The following UNC13C variants were observed in gnomAD, a reference collection of about 807,000 sequenced individuals.
UNC13C encodes the protein protein unc-13 homolog C.
UNC13C carries 174 observed loss-of-function variants against 245.4 expected under a neutral mutation model. That is an observed-to-expected ratio of 0.71 (90% CI 0.63 to 0.80). UNC13C has a LOEUF of 0.80. Among genes scored for constraint, UNC13C ranks in the 30% least tolerant of loss-of-function variants. UNC13C has a pLI of 0.00. For missense variants in UNC13C, 2,829 were observed against 2,602.9 expected, an observed-to-expected ratio of 1.09 and a Z score of -1.89; for synonymous variants, 992 against 895.1, an observed-to-expected ratio of 1.11 and a Z score of -1.93.
chr15:54,613,598 ATT>A (rs1204453472), intron 30 of UNC13C, among the ~76,000 whole-genome samples: 2 of 151,982 alleles, frequency 1.3e-5, no homozygotes, highest in Non-Finnish European at 2.9e-5. Flanking sequence ...AAGTTTCTGA[ATT>A]CATGATAATG....
chr15:54,304,905 A>T (rs2037686991), intron 13 of UNC13C, among the ~76,000 whole-genome samples: 1 of 152,034 alleles, frequency 6.6e-6, no homozygotes, highest in Middle Eastern at 3.2e-3. Flanking sequence ...GGTATTCATT[A>T]GTTATTAGAA....
At chr15:54,247,173 C>T (rs1474138139) in intron 7 of UNC13C, among the ~76,000 whole-genome samples, 1 of 152,146 alleles carries the variant, frequency 6.6e-6, no homozygotes, top group Non-Finnish European at 1.5e-5. Context: ...GGCTTTTCAT[C>T]CCTTCAATCT....
At chr15:54,526,917 T>C (rs1002150148) in intron 25 of UNC13C, among the ~76,000 whole-genome samples, 1 of 152,200 alleles carries the variant, frequency 6.6e-6, no homozygotes, top group Non-Finnish European at 1.5e-5. Context: ...CATATTTTTC[T>C]TCTTAGATGT....
chr15:54,049,099 CT>C, intron 2 of UNC13C: 1 of 361,098 alleles, frequency 2.8e-6, no homozygotes, highest in Non-Finnish European at 5.5e-6. Flanking sequence ...TTGGTAAGTC[CT>C]TTTTGATCCA....
At chr15:54,449,336 G>A (rs1891026457) in intron 19 of UNC13C, among the ~76,000 whole-genome samples, 3 of 152,080 alleles carry the variant, frequency 2.0e-5, no homozygotes, top group African/African-American at 7.2e-5. Context: ...TGCTAGGTTG[G>A]GGAAGTTCTC....
chr15:54,114,770 C>A (rs1439310224), intron 2 of UNC13C, among the ~76,000 whole-genome samples: 4 of 152,056 alleles, frequency 2.6e-5, no homozygotes, highest in African/African-American at 7.2e-5. Flanking sequence ...CTATTTATTT[C>A]TTCAGAATCT....
At chr15:54,210,467 G>A (rs2034846376) in intron 4 of UNC13C, among the ~76,000 whole-genome samples, 1 of 151,656 alleles carries the variant, frequency 6.6e-6, no homozygotes, top group Non-Finnish European at 1.5e-5. Context: ...AGAGATTCAA[G>A]CATTTATTAT....
At chr15:54,261,546 GTTTT>G (rs1278280221) in intron 8 of UNC13C, among the ~76,000 whole-genome samples, 1 of 152,052 alleles carries the variant, frequency 6.6e-6, no homozygotes, top group African/African-American at 2.4e-5. Context: ...GTTTTGTTTT[GTTTT>G]GTTTTGTTTT....
chr15:54,172,617 C>T (rs2141286450), intron 4 of UNC13C, among the ~76,000 whole-genome samples: 1 of 147,842 alleles, frequency 6.8e-6, no homozygotes, highest in Admixed American at 6.8e-5. Flanking sequence ...TTTCATAAAG[C>T]TTCTATAAAT....
chr15:54,092,986 C>T (rs1899652030), intron 2 of UNC13C, among the ~76,000 whole-genome samples: 1 of 152,128 alleles, frequency 6.6e-6, no homozygotes, highest in Non-Finnish European at 1.5e-5. Context: ...TGATTAGAAT[C>T]TGGAAGGAAT....
intron 19 of UNC13C, among the ~76,000 whole-genome samples, chr15:54,450,492 C>T (rs778022144): frequency 6.6e-5 from 10 of 152,216 alleles, no homozygotes; most frequent in African/African-American, 1.9e-4. Flanking sequence ...TCTCCAGCCT[C>T]GCTGCTGCCT....
upstream of UNC13C, among the ~76,000 whole-genome samples, chr15:53,978,002 T>C (rs180671682): frequency 1.9e-4 from 29 of 152,350 alleles, no homozygotes; most frequent in Non-Finnish European, 2.6e-4. Context: ...CTCCTCTATT[T>C]AAATACAGGG....
At chr15:53,960,905 G>A in the UNC13C span, among the ~76,000 whole-genome samples, 4 of 152,148 alleles carry the variant, frequency 2.6e-5, no homozygotes, top group African/African-American at 9.7e-5. Context: ...ATATAATGAA[G>A]TATTATAAAT....
At chr15:54,036,403 G>A (rs761320651) in intron 2 of UNC13C, among the ~76,000 whole-genome samples, 2 of 152,138 alleles carry the variant, frequency 1.3e-5, no homozygotes, top group African/African-American at 2.4e-5. Flanking sequence ...TTCAATTTAC[G>A]GAGAAAGAAA....
At chr15:54,571,956 A>G (rs1010520338) in intron 30 of UNC13C, among the ~76,000 whole-genome samples, 2 of 152,068 alleles carry the variant, frequency 1.3e-5, no homozygotes, top group Non-Finnish European at 2.9e-5. Context: ...CTTGACACAC[A>G]CTTACTTACT....
chr15:54,394,834 C>T (rs962073102), intron 18 of UNC13C, among the ~76,000 whole-genome samples: 1 of 151,566 alleles, frequency 6.6e-6, no homozygotes, highest in Non-Finnish European at 1.5e-5. Context: ...TAATCATGTG[C>T]CACAAAATAT....
chr15:54,598,510 G>A (rs1049356632), intron 30 of UNC13C, among the ~76,000 whole-genome samples: 10 of 152,182 alleles, frequency 6.6e-5, no homozygotes. Flanking sequence ...GCACATCCAG[G>A]CACAGCACAT....
chr15:54,415,935 A>G (rs1489927671), intron 19 of UNC13C, among the ~76,000 whole-genome samples: 8 of 152,222 alleles, frequency 5.3e-5, no homozygotes, highest in Non-Finnish European at 8.8e-5. Flanking sequence ...AAGAAAATGT[A>G]ACTTTGATAA....
intron 22 of UNC13C, among the ~76,000 whole-genome samples, chr15:54,501,372 A>T (rs1894203159): frequency 6.6e-6 from 1 of 152,150 alleles, no homozygotes; most frequent in Non-Finnish European, 1.5e-5. Flanking sequence ...GGAGCCATGA[A>T]AACTGATTTC....
Sources: gnomAD v4.1 joint callset for allele counts (sites outside exome capture counted in the v4.1 genomes callset) on GRCh38, gnomAD v4.1.1 for gene constraint, MANE v1.5 for transcripts, NCBI Gene and HGNC (gene_info 2026-07-23, HGNC 2026-07-21) for gene names.